Variants in TEAD4 observed in about 807,000 individuals in gnomAD.
The protein encoded by TEAD4 is transcriptional enhancer factor TEF-3.
Under a neutral mutation model 52.4 loss-of-function variants are expected in TEAD4, and 36 were observed. That is an observed-to-expected ratio of 0.69 (90% CI 0.53 to 0.91). The LOEUF is 0.91. TEAD4 is among the 40% of genes least tolerant of loss of function. The probability of loss-of-function intolerance (pLI) is 0.00; values close to 1 mark genes in which losing one functional copy is unlikely to be tolerated. For missense variants in TEAD4, 508 were observed against 583.9 expected (o/e 0.87, Z 1.34); for synonymous variants, 220 against 231.0 (o/e 0.95, Z 0.43).
chr12:3,029,573 G>C (rs575227350), intron 10 of TEAD4, among the ~76,000 whole-genome samples: 2 of 151,872 alleles, frequency 1.3e-5, no homozygotes, highest in Admixed American at 6.6e-5. Context: ...TTTATAGAGG[G>C]TGTCACTATG....
intron 3 of TEAD4, among the ~76,000 whole-genome samples, chr12:3,000,065 C>T (rs2098250466): frequency 6.6e-6 from 1 of 152,190 alleles, no homozygotes; most frequent in Non-Finnish European, 1.5e-5. Flanking sequence ...GACCACCCCA[C>T]ACTGGGCAGG....
chr12:2,991,427 C>T (rs980887981), intron 2 of TEAD4, among the ~76,000 whole-genome samples: 3 of 152,100 alleles, frequency 2.0e-5, no homozygotes, highest in Non-Finnish European at 4.4e-5. Context: ...TTTGGGAGGC[C>T]GAGGTGGATG....
intron 8 of TEAD4, 126 bp from the exon 9 acceptor site, chr12:3,020,508 T>G: frequency 8.3e-7 from 1 of 1,207,116 alleles, no homozygotes; most frequent in Non-Finnish European, 1.1e-6. Context: ...GGAGGTCCAT[T>G]TAGGGAGACA....
At chr12:3,018,871 A>C (rs991006786) in intron 7 of TEAD4, among the ~76,000 whole-genome samples, 3 of 152,092 alleles carry the variant, frequency 2.0e-5, no homozygotes, top group African/African-American at 7.2e-5. Flanking sequence ...GCTGGGAAGC[A>C]GACCTCTGGC....
At chr12:2,968,228 G>A (rs1280059373) in intron 2 of TEAD4, among the ~76,000 whole-genome samples, 6 of 151,008 alleles carry the variant, frequency 4.0e-5, no homozygotes, top group East Asian at 2.0e-4. Context: ...CTGGAATTAC[G>A]GGCATTTGCC....
rs2098245483 is a variant in TEAD4 at position 2,994,342 on chromosome 12, C to T, written c.-29-396C>T. On this transcript the variant is annotated intron_variant, in intron 2 of 12. Coordinates refer to ENST00000359864, the MANE Select transcript of TEAD4 (RefSeq NM_003213.4). The surrounding 1 kb of genome is among the most constrained non-coding windows in gnomAD (Gnocchi z 4.7). ...CTGCCTGCCTCAGCCTCCCAGAGTG[C>T]TGGGATTACAGGCGTGAGCCACAGC... Among the ~76,000 whole-genome samples the T allele has an allele frequency of 6.6e-6, 1 of 152,240 alleles. No homozygotes were observed. Among genetic ancestry groups the T allele is most frequent in the Non-Finnish European group, 1.5e-5 (1 of 68,052 alleles).
chr12:2,981,888 A>G (rs1251402630), intron 2 of TEAD4, among the ~76,000 whole-genome samples: 1 of 151,944 alleles, frequency 6.6e-6, no homozygotes, highest in Admixed American at 6.6e-5. Context: ...AGACTTCTCC[A>G]TTTCTTATTT....
At chr12:2,960,185 C>A in intron 2 of TEAD4, 145 bp downstream of exon 2, 1 of 568,172 alleles carries the variant, frequency 1.8e-6, no homozygotes, top group Non-Finnish European at 2.2e-6. Context: ...GGCGAAGCGG[C>A]TCCAGGGGCG....
At chr12:2,968,385 CTTTTTTTTTTTT>C (rs61672018) in intron 2 of TEAD4, among the ~76,000 whole-genome samples, 6 of 55,064 alleles carry the variant, frequency 1.1e-4, no homozygotes, top group East Asian at 1.5e-3. Flanking sequence ...CGCGCCCGGC[CTTTTTTTTTTTT>C]TTTTTTTTTT....
At chr12:2,986,530 C>CT (rs2098238659) in intron 2 of TEAD4, among the ~76,000 whole-genome samples, 1 of 151,766 alleles carries the variant, frequency 6.6e-6, no homozygotes, top group Non-Finnish European at 1.5e-5. Flanking sequence ...ATCCCAGCTA[C>CT]TCGGGAGGCT....
At chr12:3,021,724 CTA>C (rs1237574264) in intron 9 of TEAD4, 118 bp from the exon 10 acceptor site, 2 of 978,248 alleles carry the variant, frequency 2.0e-6, no homozygotes, top group Admixed American at 5.2e-5. Flanking sequence ...CATGGGGAAA[CTA>C]TGGCCCAGAA....
intron 2 of TEAD4, among the ~76,000 whole-genome samples, chr12:2,978,542 T>G (rs1462582076): frequency 2.0e-5 from 3 of 152,008 alleles, no homozygotes; most frequent in Non-Finnish European, 4.4e-5. Flanking sequence ...TAGCTGGGAC[T>G]ATAGGCCTGC....
intron 2 of TEAD4, among the ~76,000 whole-genome samples, chr12:2,990,528 G>A (rs1443098847): frequency 3.7e-5 from 5 of 134,282 alleles, no homozygotes; most frequent in African/African-American, 8.6e-5. Flanking sequence ...GTGCAGTGGC[G>A]TGATCTCAGC....
intron 3 of TEAD4, among the ~76,000 whole-genome samples, chr12:3,001,917 C>G (rs2098252027): frequency 6.6e-6 from 1 of 152,074 alleles, no homozygotes; most frequent in African/African-American, 2.4e-5. Flanking sequence ...ACAGTGAAAC[C>G]CGTCTCTACT....
Position 3,010,991 on chromosome 12 carries a change from G to GGTGT in TEAD4, c.227-12_227-9dup. The stretch of plus-strand genomic sequence containing the variant: ...TCCTTCTCTCCACTGAGAGGCTGCT[G>GGTGT]GTGTCTCTGCAGGTCGGAACGAGCT... On this transcript the variant is annotated splice_polypyrimidine_tract_variant and intron_variant, in intron 3 of 12. Coordinates refer to ENST00000359864, the MANE Select transcript of TEAD4 (RefSeq NM_003213.4). The GGTGT allele has an allele frequency of 1.2e-6, 2 of 1,614,040 alleles. No homozygotes were observed. The highest frequency in any genetic ancestry group is 1.7e-6 in the Non-Finnish European group (2 of 1,179,944).
At chr12:2,973,192 C>T (rs1047180749) in intron 2 of TEAD4, among the ~76,000 whole-genome samples, 1 of 152,156 alleles carries the variant, frequency 6.6e-6, no homozygotes, top group Non-Finnish European at 1.5e-5. Flanking sequence ...CCACCTCAGC[C>T]TCTTGAGTAG....
intron 2 of TEAD4, among the ~76,000 whole-genome samples, chr12:2,981,907 G>A (rs1257490093): frequency 6.6e-6 from 1 of 152,222 alleles, no homozygotes; most frequent in East Asian, 1.9e-4. Context: ...TTTGAGAGAT[G>A]AAGCCCAGTG....
intron 3 of TEAD4, among the ~76,000 whole-genome samples, chr12:2,997,468 C>A (rs943314829): frequency 6.6e-6 from 1 of 152,066 alleles, no homozygotes; most frequent in South Asian, 2.1e-4. Flanking sequence ...GCCTCTGGGA[C>A]CCCCCGGGCT....
chr12:3,005,161 A>G lies in TEAD4; in HGVS notation c.227-5843A>G, dbSNP rs529883062. ...GGGCTCACTTAGAGGTGGAATCTAA[A>G]ACAGTGGTGCTCACAGCAGCAGAGA... On this transcript the variant is annotated intron_variant, in intron 3 of 12. Transcript: ENST00000359864. Among the ~76,000 whole-genome samples, 7 of 152,378 alleles carry G rather than the reference A, an allele frequency of 4.6e-5. No homozygotes were observed. In the South Asian group the frequency reaches 1.0e-3, roughly 23 times the overall value.
Sources: gnomAD v4.1 joint callset for allele counts (sites outside exome capture counted in the v4.1 genomes callset) on GRCh38, gnomAD v4.1.1 for gene constraint, Gnocchi (gnomAD v3.1) non-coding constraint, MANE v1.5 for transcripts, NCBI Gene and HGNC (gene_info 2026-07-23, HGNC 2026-07-21) for gene names.